The following FAM81B variants were observed in gnomAD, a reference collection of about 807,000 sequenced individuals.
FAM81B encodes protein FAM81B.
Under a neutral mutation model 58.7 loss-of-function variants are expected in FAM81B, and 60 were observed. The ratio of observed to expected loss-of-function variants is 1.02; its 90% CI spans 0.83 to 1.27. The LOEUF (loss-of-function observed/expected upper bound fraction) is 1.27. Among genes scored for constraint, FAM81B ranks in the 50% most tolerant of loss-of-function variants. The probability of loss-of-function intolerance (pLI) is 0.00; values close to 1 mark genes in which losing one functional copy is unlikely to be tolerated. For synonymous variants in FAM81B, 189 were observed against 179.6 expected (o/e 1.05, Z -0.42); for missense variants, 491 against 522.0 (o/e 0.94, Z 0.58).
chr5:95,434,907 G>A (rs1346492538), intron 6 of FAM81B, among the ~76,000 whole-genome samples: 1 of 152,222 alleles, frequency 6.6e-6, no homozygotes. Context: ...CCTTTGCGAA[G>A]CAAATGCCAT....
intron 1 of FAM81B, 62 bp downstream of exon 1, chr5:95,391,575 T>C: frequency 6.5e-7 from 1 of 1,527,286 alleles, no homozygotes; most frequent in Non-Finnish European, 8.8e-7. Flanking sequence ...CTTCTGTTTC[T>C]TATTACATAT....
intron 3 of FAM81B, among the ~76,000 whole-genome samples, chr5:95,407,391 TAC>T (rs36079913): frequency 0.032 from 4,469 of 139,646 alleles, 111 homozygotes; most frequent in Non-Finnish European, 0.048. Context: ...TGTTCTCTTT[TAC>T]ACACACACAC....
chr5:95,432,533 T>C lies in FAM81B; in HGVS notation c.786+3801T>C, dbSNP rs559382460. Among the ~76,000 whole-genome samples the C allele has an allele frequency of 2.1e-3, 313 of 152,236 alleles. 1 individual carries two copies. Among genetic ancestry groups the C allele is most frequent in the African/African-American group, 7.1e-3 (296 of 41,584 alleles). On this transcript the variant is annotated intron_variant, in intron 6 of 9. Transcript: ENST00000283357. Reference sequence around the variant, plus strand: ...TTTGATGGGGAAGGAAGCCCTTTGATAGCTTTCATTTTTTATATTTATTTT... The same window carrying C: ...TTTGATGGGGAAGGAAGCCCTTTGACAGCTTTCATTTTTTATATTTATTTT...
intron 4 of FAM81B, 52 bp downstream of exon 4, chr5:95,414,242 G>T (rs1762480790): frequency 6.5e-7 from 1 of 1,545,382 alleles, no homozygotes; most frequent in African/African-American, 1.4e-5. Context: ...TGGCAGCATT[G>T]CTTGATAAAG....
At chr5:95,421,026 C>T (rs981291673) in intron 5 of FAM81B, among the ~76,000 whole-genome samples, 5 of 152,088 alleles carry the variant, frequency 3.3e-5, no homozygotes, top group South Asian at 2.1e-4. Flanking sequence ...TTAATCCTCT[C>T]GGAATTAGAT....
chr5:95,443,680 T>C (rs563325602), intron 7 of FAM81B, among the ~76,000 whole-genome samples: 1 of 152,218 alleles, frequency 6.6e-6, no homozygotes, highest in Non-Finnish European at 1.5e-5. Context: ...ATTCTTTACA[T>C]CTCTCAAGGA....
rs373398709 is a variant in FAM81B at position 95,392,823 on chromosome 5, A to G, written c.154A>G (p.Thr52Ala). 15 of 1,611,832 alleles carry G rather than the reference A, an allele frequency of 9.3e-6. No individual in the cohort carries two copies. Among genetic ancestry groups the G allele is most frequent in the African/African-American group, 8.0e-5 (6 of 74,880 alleles). Reference protein sequence around the residue: ...DTNVNKSASPTATAEEQPVEP... With the variant: ...DTNVNKSASPAATAEEQPVEP... ...AAATGTAAACAAAAGTGCCTCTCCA[A>G]CTGCGACTGCAGAGGAACAGCCAGT... The change falls in exon 2 of 10, where the codon ACT becomes GCT. Residue 52 changes from threonine (T) to alanine (A), a missense_variant. Thr to Ala is a moderately conservative substitution (Grantham distance 58, BLOSUM62 0). Transcript: ENST00000283357.
intron 7 of FAM81B, among the ~76,000 whole-genome samples, chr5:95,441,950 T>C (rs940128701): frequency 6.6e-6 from 1 of 152,250 alleles, no homozygotes; most frequent in Non-Finnish European, 1.5e-5. Flanking sequence ...ACTCCCTAGA[T>C]AGCTCTTACT....
intron 4 of FAM81B, among the ~76,000 whole-genome samples, chr5:95,415,424 G>A (rs950620092): frequency 6.6e-6 from 1 of 152,164 alleles, no homozygotes; most frequent in South Asian, 2.1e-4. Context: ...CATCTGCAGG[G>A]TTTAACAGAC....
chr5:95,402,190 G>A (rs915246929), intron 3 of FAM81B, among the ~76,000 whole-genome samples: 2 of 152,156 alleles, frequency 1.3e-5, no homozygotes, highest in African/African-American at 4.8e-5. Context: ...TTTGAATAAT[G>A]GCCTCGTCAG....
At position 95,428,612 on chromosome 5, in the gene FAM81B, A is replaced by T; in HGVS notation, c.666A>T (p.Ser222=). ...DLRGRVARCD[S]SIVKLSGDIH... is the part of the protein sequence containing the mutation. ...TCCATCTTGCCATTAGATGTGATTC[A>T]AGCATTGTGAAGCTTTCTGGAGACA... Residue 222 remains serine (S), a synonymous_variant, in exon 6 of 10, where the codon TCA becomes TCT. Transcript: ENST00000283357. The T allele has an allele frequency of 6.2e-7, 1 of 1,613,888 alleles. No homozygotes were observed. The highest frequency in any genetic ancestry group is 8.5e-7 in the Non-Finnish European group (1 of 1,179,762).
chr5:95,425,898 T>C (rs1054156480), intron 5 of FAM81B, among the ~76,000 whole-genome samples: 1 of 151,716 alleles, frequency 6.6e-6, no homozygotes, highest in Non-Finnish European at 1.5e-5. Context: ...CAATCTATGA[T>C]AGCTTTTTAT....
intron 3 of FAM81B, among the ~76,000 whole-genome samples, chr5:95,413,334 G>A (rs193130845): frequency 1.3e-5 from 2 of 152,236 alleles, no homozygotes; most frequent in Admixed American, 1.3e-4. Flanking sequence ...ATCCAGTCAA[G>A]GGATTTTAAA....
intron 6 of FAM81B, among the ~76,000 whole-genome samples, 160 bp from the exon 7 acceptor site, chr5:95,436,640 T>G (rs1344948826): frequency 1.3e-5 from 2 of 152,232 alleles, no homozygotes; most frequent in Non-Finnish European, 2.9e-5. Context: ...CACAAGGCAT[T>G]TTCAAGTGCA....
At chr5:95,392,298 A>G (rs1401801962) in intron 1 of FAM81B, among the ~76,000 whole-genome samples, 4 of 152,170 alleles carry the variant, frequency 2.6e-5, no homozygotes, top group Admixed American at 2.6e-4. Context: ...GTGGGAGTTG[A>G]ACAATGAGAA....
intron 1 of FAM81B, 143 bp downstream of exon 1, chr5:95,391,656 T>C (rs1761819926): frequency 1.1e-6 from 1 of 870,356 alleles, no homozygotes; most frequent in Non-Finnish European, 1.6e-6. Context: ...CTTAAACAAA[T>C]GTACAAGAAA....
intron 2 of FAM81B, 62 bp from the exon 3 acceptor site, chr5:95,396,049 T>C (rs1047234345): frequency 7.8e-7 from 1 of 1,286,280 alleles, no homozygotes; most frequent in Non-Finnish European, 1.1e-6. Flanking sequence ...AAAGATAAAC[T>C]GCATAGAAGT....
Position 95,417,500 on chromosome 5 carries a change from A to G in FAM81B, c.538-2784A>G, listed in dbSNP as rs772798085. ...CTCTACAACAACAACAACAAAATTA[A>G]TAATAATAAAGTGACAGCTTCATTT... On this transcript the variant is annotated intron_variant, in intron 4 of 9. Coordinates refer to ENST00000283357, the MANE Select transcript of FAM81B (RefSeq NM_152548.3). 1.8e-4 allele frequency among the ~76,000 whole-genome samples: 27 copies of G among 152,324 alleles called. 1 individual carries two copies. The highest frequency in any genetic ancestry group is 1.0e-3 in the Admixed American group (16 of 15,294).
At chr5:95,408,293 C>T (rs1010098530) in intron 3 of FAM81B, among the ~76,000 whole-genome samples, 1 of 152,132 alleles carries the variant, frequency 6.6e-6, no homozygotes, top group Admixed American at 6.5e-5. Context: ...AGTTTCTTTG[C>T]CTGTACATGA....
Sources: gnomAD v4.1 joint callset for allele counts (sites outside exome capture counted in the v4.1 genomes callset) on GRCh38, gnomAD v4.1.1 for gene constraint, MANE v1.5 for transcripts, NCBI Gene and HGNC (gene_info 2026-07-23, HGNC 2026-07-21) for gene names.